The following PTPRT variants were observed in gnomAD, a reference collection of about 807,000 sequenced individuals.
The protein encoded by PTPRT is receptor-type tyrosine-protein phosphatase T.
A neutral mutation model predicts 176.8 loss-of-function variants in PTPRT; 56 were observed. The ratio of observed to expected loss-of-function variants is 0.32; its 90% confidence interval spans 0.26 to 0.40. PTPRT has a LOEUF of 0.40. PTPRT is among the 10% of genes least tolerant of loss of function. PTPRT has a pLI of 1.00. For synonymous variants in PTPRT, 783 were observed against 739.0 expected (o/e 1.06, Z -0.96); for missense variants, 1,540 against 1,908.2 (o/e 0.81, Z 3.60).
intron 8 of PTPRT, among the ~76,000 whole-genome samples, chr20:42,460,602 C>A (rs1208282135): frequency 6.6e-6 from 1 of 152,150 alleles, no homozygotes; most frequent in Admixed American, 6.5e-5. Flanking sequence ...AAGGGAGACA[C>A]CAGGTGGAGG....
chr20:42,917,014 T>C (rs527738838), intron 1 of PTPRT, among the ~76,000 whole-genome samples: 5 of 152,336 alleles, frequency 3.3e-5, no homozygotes, highest in African/African-American at 1.2e-4. Context: ...GCTTTTGGTG[T>C]TTTAGACATG....
intron 1 of PTPRT, among the ~76,000 whole-genome samples, chr20:42,994,952 T>C (rs909646323): frequency 6.6e-6 from 1 of 152,216 alleles, no homozygotes; most frequent in Admixed American, 6.5e-5. Context: ...GAATAAACTG[T>C]TATTGTATAA....
intron 7 of PTPRT, among the ~76,000 whole-genome samples, chr20:42,635,558 T>G (rs752547720): frequency 1.3e-5 from 2 of 152,160 alleles, no homozygotes; most frequent in Admixed American, 6.5e-5. Flanking sequence ...AAATTGTTAT[T>G]ATTTTTGTTG....
At chr20:42,389,042 T>G (rs1262370964) in intron 9 of PTPRT, among the ~76,000 whole-genome samples, 1 of 148,612 alleles carries the variant, frequency 6.7e-6, no homozygotes, top group African/African-American at 2.5e-5. Context: ...AACCAAACAC[T>G]GCATGTTCTC....
At chr20:42,494,808 G>T (rs908499415) in intron 7 of PTPRT, among the ~76,000 whole-genome samples, 10 of 152,170 alleles carry the variant, frequency 6.6e-5, no homozygotes, top group Admixed American at 1.3e-4. Flanking sequence ...TGGATGAATA[G>T]ATGGATAGAT....
intron 6 of PTPRT, among the ~76,000 whole-genome samples, chr20:42,706,246 T>G (rs2076057712): frequency 6.6e-6 from 1 of 151,290 alleles, no homozygotes; most frequent in African/African-American, 2.4e-5. Context: ...TCTGTCTCTC[T>G]CCCCACTAAC....
chr20:42,445,147 G>C (rs1014253115), intron 9 of PTPRT, among the ~76,000 whole-genome samples: 1 of 152,154 alleles, frequency 6.6e-6, no homozygotes, highest in Non-Finnish European at 1.5e-5. Flanking sequence ...TGCAGAAAGG[G>C]GCAAGACATC....
At chr20:42,506,685 A>T (rs919959259) in intron 7 of PTPRT, among the ~76,000 whole-genome samples, 1 of 152,130 alleles carries the variant, frequency 6.6e-6, no homozygotes, top group Non-Finnish European at 1.5e-5. Flanking sequence ...GAGGTCAGGG[A>T]CATTGAATAA....
chr20:43,058,612 C>T (rs1217835015), intron 1 of PTPRT, among the ~76,000 whole-genome samples: 1 of 152,070 alleles, frequency 6.6e-6, no homozygotes, highest in Non-Finnish European at 1.5e-5. Flanking sequence ...TGTCATTAAG[C>T]AATAAACGCT....
chr20:42,425,899 G>GAAA, intron 9 of PTPRT, among the ~76,000 whole-genome samples: 1 of 152,166 alleles, frequency 6.6e-6, no homozygotes. Context: ...CAAAGGTAAA[G>GAAA]AGGAGCTTCT....
chr20:42,565,313 CA>C (rs1257898017), intron 7 of PTPRT, among the ~76,000 whole-genome samples: 1 of 152,190 alleles, frequency 6.6e-6, no homozygotes. Flanking sequence ...AAGTGCATCC[CA>C]CCACTCAGAG....
the PTPRT span, among the ~76,000 whole-genome samples, chr20:42,048,788 A>C: frequency 1.3e-5 from 2 of 152,076 alleles, no homozygotes; most frequent in African/African-American, 4.8e-5. Flanking sequence ...TCACATTTTG[A>C]GCCTAATAAA....
At chr20:42,525,892 T>G (rs888937811) in intron 7 of PTPRT, among the ~76,000 whole-genome samples, 7 of 152,226 alleles carry the variant, frequency 4.6e-5, no homozygotes, top group Non-Finnish European at 7.4e-5. Flanking sequence ...GTCCATCTCC[T>G]GTACTTATAT....
chr20:42,897,600 A>G (rs2079325175), intron 1 of PTPRT, among the ~76,000 whole-genome samples: 1 of 152,240 alleles, frequency 6.6e-6, no homozygotes, highest in African/African-American at 2.4e-5. Context: ...AAAGAGTTCA[A>G]TGAGGTTAAG....
intron 7 of PTPRT, among the ~76,000 whole-genome samples, chr20:42,578,247 T>G (rs1327169075): frequency 6.6e-6 from 1 of 152,008 alleles, no homozygotes; most frequent in East Asian, 1.9e-4. Context: ...ATTCACTCCT[T>G]TTGCTTCCAG....
chr20:42,862,581 T>C (rs1254830032), intron 2 of PTPRT, among the ~76,000 whole-genome samples: 1 of 152,158 alleles, frequency 6.6e-6, no homozygotes, highest in African/African-American at 2.4e-5. Flanking sequence ...TTCAGAAAGA[T>C]CACATCACAC....
At chr20:42,160,421 G>A (rs17221823) in intron 17 of PTPRT, among the ~76,000 whole-genome samples, 23,927 of 151,748 alleles carry the variant, frequency 0.16, 2,405 homozygotes, top group Non-Finnish European at 0.22. Context: ...TTTGTAAAAC[G>A]TGAGGCCTAA....
At chr20:42,685,374 A>G (rs1350687072) in intron 6 of PTPRT, 1 of 152,186 alleles carries the variant, frequency 6.6e-6, no homozygotes, top group Non-Finnish European at 1.5e-5. Flanking sequence ...GATCAGTCCT[A>G]TGAGATGGTT....
intron 15 of PTPRT, 87 bp from the exon 16 acceptor site, chr20:42,199,475 T>C: frequency 7.0e-7 from 1 of 1,432,502 alleles, no homozygotes; most frequent in Non-Finnish European, 9.5e-7. Context: ...TCCCCAATGC[T>C]CATCCTCAAC....
Sources: allele counts gnomAD v4.1 joint callset (sites outside exome capture counted in the v4.1 genomes callset), GRCh38; gene constraint gnomAD v4.1.1; transcripts MANE v1.5; gene names NCBI Gene and HGNC (gene_info 2026-07-23, HGNC 2026-07-21).